The following HECW2 variants were observed in gnomAD, a reference collection of about 807,000 sequenced individuals.
The protein encoded by HECW2 is E3 ubiquitin-protein ligase HECW2.
In HECW2, 61 loss-of-function variants were observed where a neutral mutation model predicts 175.2. The ratio of observed to expected loss-of-function variants is 0.35; its 90% CI spans 0.28 to 0.43. The LOEUF (loss-of-function observed/expected upper bound fraction) is 0.43. Among genes scored for constraint, HECW2 ranks in the 20% least tolerant of loss-of-function variants. The probability of loss-of-function intolerance (pLI) is 1.00; values close to 1 mark genes in which losing one functional copy is unlikely to be tolerated. For synonymous variants in HECW2, 671 were observed against 731.0 expected (o/e 0.92, Z 1.32); for missense variants, 1,524 against 2,000.5 (o/e 0.76, Z 4.54).
intron 1 of HECW2, among the ~76,000 whole-genome samples, chr2:196,577,842 A>G (rs116510301): frequency 9.7e-4 from 148 of 152,336 alleles, no homozygotes; most frequent in Non-Finnish European, 9.0e-4. Context: ...AATACAGACT[A>G]CAGAATTCAT....
intron 19 of HECW2, among the ~76,000 whole-genome samples, chr2:196,253,666 T>C (rs961023345): frequency 3.9e-5 from 6 of 152,208 alleles, no homozygotes; most frequent in South Asian, 4.1e-4. Flanking sequence ...TATTGTATGA[T>C]ATAACATCAT....
At chr2:196,553,835 C>A (rs1404057695) in intron 1 of HECW2, among the ~76,000 whole-genome samples, 1 of 148,638 alleles carries the variant, frequency 6.7e-6, no homozygotes, top group African/African-American at 2.6e-5. Flanking sequence ...CAGTAATATC[C>A]AATCAGTAAT....
At chr2:196,234,313 G>C (rs1019940402) in intron 21 of HECW2, among the ~76,000 whole-genome samples, 5 of 151,638 alleles carry the variant, frequency 3.3e-5, no homozygotes, top group African/African-American at 1.2e-4. Flanking sequence ...AGGGTGACAG[G>C]GTTTTGCTCT....
At chr2:196,290,595 T>C (rs1423689257) in intron 14 of HECW2, 1 of 152,198 alleles carries the variant, frequency 6.6e-6, no homozygotes, top group African/African-American at 2.4e-5. Context: ...AGGTAAAATC[T>C]TGTCAGAGCT....
chr2:196,266,168 TA>T (rs56260949), intron 17 of HECW2, among the ~76,000 whole-genome samples: 57,410 of 134,954 alleles, frequency 0.43, 14,121 homozygotes, highest in Non-Finnish European at 0.57. Flanking sequence ...CCATCTCTAT[TA>T]AAAAAAAAAA....
rs1553499137 is a variant in HECW2, at chr2:196,318,617, C to T, written c.2273G>A (p.Gly758Asp). 1.9e-6 allele frequency: 3 copies of T among 1,584,878 alleles called. No individual in the cohort carries two copies. Among genetic ancestry groups the T allele is most frequent in the Admixed American group, 1.8e-5 (1 of 55,790 alleles). Residue 758 changes from glycine (G) to aspartate (D), a missense_variant, in exon 9 of 29, where the codon GGC becomes GAC. Gly to Asp is a moderately conservative substitution (Grantham distance 94). Coordinates refer to ENST00000644978, the MANE Select transcript of HECW2 (RefSeq NM_001348768.2). The stretch of plus-strand genomic sequence containing the variant: ...GGTGCCTTGGGCCTCCCCAGCACTG[C>T]CTTCTTCTTGCGGTGGGCTCTCGGC... Reference protein sequence around the residue: ...AAAESPPQEEGSAGEAQGTCE... With the variant: ...AAAESPPQEEDSAGEAQGTCE...
intron 1 of HECW2, among the ~76,000 whole-genome samples, chr2:196,481,218 A>G (rs537726674): frequency 3.3e-5 from 5 of 152,308 alleles, no homozygotes; most frequent in Admixed American, 6.5e-5. Flanking sequence ...TGAAGACCAC[A>G]AACTTGTTTA....
intron 10 of HECW2, among the ~76,000 whole-genome samples, chr2:196,315,522 T>C (rs1691661654): frequency 6.6e-6 from 1 of 152,148 alleles, no homozygotes; most frequent in Admixed American, 6.5e-5. Flanking sequence ...TGAAAACCTC[T>C]GAATAAGAGG....
intron 2 of HECW2, among the ~76,000 whole-genome samples, chr2:196,349,449 GT>G (rs1693088540): frequency 6.6e-6 from 1 of 152,138 alleles, no homozygotes; most frequent in East Asian, 1.9e-4. Context: ...TTGTCCCTTT[GT>G]GTCTCACGAC....
At chr2:196,541,448 T>C (rs545875988) in intron 1 of HECW2, among the ~76,000 whole-genome samples, 6 of 152,238 alleles carry the variant, frequency 3.9e-5, no homozygotes, top group African/African-American at 1.2e-4. Flanking sequence ...GGCTAGAGGA[T>C]TGGGAGAAAT....
At chr2:196,207,751 C>T (rs190499535) in intron 28 of HECW2, among the ~76,000 whole-genome samples, 58 of 152,256 alleles carry the variant, frequency 3.8e-4, no homozygotes, top group African/African-American at 9.6e-4. Flanking sequence ...TATCTATAGA[C>T]GGGTGAGGGG....
intron 2 of HECW2, among the ~76,000 whole-genome samples, chr2:196,383,066 A>G (rs980602324): frequency 3.3e-5 from 5 of 152,214 alleles, no homozygotes; most frequent in African/African-American, 1.2e-4. Context: ...TAGGAGAAAG[A>G]TAACAAAGAT....
At chr2:196,397,638 C>G (rs1036381915) in intron 2 of HECW2, among the ~76,000 whole-genome samples, 1 of 152,184 alleles carries the variant, frequency 6.6e-6, no homozygotes, top group Non-Finnish European at 1.5e-5. Flanking sequence ...TAGTCCCCCA[C>G]CAAATACCAG....
chr2:196,382,322 T>C (rs969735648), intron 2 of HECW2, among the ~76,000 whole-genome samples: 1 of 151,844 alleles, frequency 6.6e-6, no homozygotes, highest in Non-Finnish European at 1.5e-5. Flanking sequence ...ATGAGCATTG[T>C]TACCTGTGAG....
chr2:196,361,608 C>A (rs1220417769), intron 2 of HECW2, among the ~76,000 whole-genome samples: 2 of 152,200 alleles, frequency 1.3e-5, no homozygotes, highest in African/African-American at 4.8e-5. Context: ...ATGCTTTAAT[C>A]TCAGCACTGA....
At chr2:196,340,923 G>A (rs544073188) in intron 3 of HECW2, among the ~76,000 whole-genome samples, 50 of 108,274 alleles carry the variant, frequency 4.6e-4, no homozygotes, top group African/African-American at 1.1e-3. Context: ...GCTAAAATAC[G>A]GAGAAAAGAA....
At chr2:196,320,815 G>A (rs970295301) in intron 7 of HECW2, among the ~76,000 whole-genome samples, 27 of 152,210 alleles carry the variant, frequency 1.8e-4, no homozygotes, top group African/African-American at 5.8e-4. Context: ...TTTTTGACTC[G>A]GGTGTAAAAG....
At chr2:196,566,219 A>G (rs1465977262) in intron 1 of HECW2, among the ~76,000 whole-genome samples, 2 of 151,846 alleles carry the variant, frequency 1.3e-5, no homozygotes, top group Non-Finnish European at 2.9e-5. Flanking sequence ...CTACATTAAA[A>G]CCATTCTAAG....
At chr2:196,360,349 G>T (rs1693542631) in intron 2 of HECW2, among the ~76,000 whole-genome samples, 1 of 152,142 alleles carries the variant, frequency 6.6e-6, no homozygotes. Flanking sequence ...TATACACCAT[G>T]GGATACTATG....
Sources: allele counts gnomAD v4.1 joint callset (sites outside exome capture counted in the v4.1 genomes callset), GRCh38; gene constraint gnomAD v4.1.1; transcripts MANE v1.5; gene names NCBI Gene and HGNC (gene_info 2026-07-23, HGNC 2026-07-21).